Variants in BARD1 observed in about 807,000 individuals in gnomAD.
The protein encoded by BARD1 is BRCA1-associated RING domain protein 1.
In BARD1, 73 loss-of-function variants were observed where a neutral mutation model predicts 77.0. The observed-to-expected ratio is 0.95, with a 90% CI of 0.79 to 1.15. BARD1 has a LOEUF of 1.15. Ranked by LOEUF, BARD1 falls within the 50% of genes most tolerant of loss-of-function variation. The probability of loss-of-function intolerance (pLI) is 0.00; values close to 1 mark genes in which losing one functional copy is unlikely to be tolerated. For synonymous variants in BARD1, 384 were observed against 338.0 expected (o/e 1.14, Z -1.49); for missense variants, 993 against 938.8 (o/e 1.06, Z -0.75).
intron 2 of BARD1, among the ~76,000 whole-genome samples, chr2:214,794,242 CTCT>C (rs1337322369): frequency 2.0e-5 from 3 of 152,054 alleles, no homozygotes; most frequent in Non-Finnish European, 4.4e-5. Flanking sequence ...CAGAGTGAGA[CTCT>C]TGTCTTCACA....
chr2:214,802,008 A>T (rs1192550572), intron 1 of BARD1, among the ~76,000 whole-genome samples: 1 of 152,096 alleles, frequency 6.6e-6, no homozygotes, highest in Non-Finnish European at 1.5e-5. Flanking sequence ...ACAGGTGCAC[A>T]CCACCATACC....
chr2:214,782,618 T>G (rs1311565958), intron 3 of BARD1, among the ~76,000 whole-genome samples: 1 of 152,114 alleles, frequency 6.6e-6, no homozygotes, highest in Non-Finnish European at 1.5e-5. Context: ...ATTGTCTCTA[T>G]GTACACAAAG....
chr2:214,796,956 GA>G, intron 2 of BARD1, 104 bp downstream of exon 2: 1 of 936,992 alleles, frequency 1.1e-6, no homozygotes, highest in Admixed American at 1.7e-5. Context: ...TGCAGACTTT[GA>G]AAGTTACACA....
intron 1 of BARD1, among the ~76,000 whole-genome samples, chr2:214,806,415 G>A (rs1348968381): frequency 1.3e-5 from 2 of 152,198 alleles, no homozygotes; most frequent in Non-Finnish European, 2.9e-5. Context: ...ATTCTGAGTT[G>A]CTCCTTGCCG....
intron 3 of BARD1, among the ~76,000 whole-genome samples, chr2:214,786,138 T>TA (rs1266171610): frequency 1.3e-5 from 2 of 152,062 alleles, no homozygotes; most frequent in East Asian, 3.9e-4. Context: ...CTAAGGGATA[T>TA]AACATCTACC....
At position 214,726,046 on chromosome 2, in the gene BARD1, A is replaced by AG. The variant is rs963226510; in HGVS notation, c.*2629_*2630insC. On this transcript the variant is annotated 3_prime_UTR_variant, in exon 11 of 11. Coordinates refer to ENST00000260947, the MANE Select transcript of BARD1 (RefSeq NM_000465.4). ...ATTTACAAGGCAGGTGCAAAAAAAA[A>AG]AAAAGGTGGGGGGACCGATGAAATA... is the stretch of plus-strand genomic sequence containing the variant. 422 of 219,462 alleles carry AG rather than the reference A, an allele frequency of 1.9e-3. 2 individuals carry two copies. Among genetic ancestry groups the AG allele is most frequent in the African/African-American group, 8.6e-3 (386 of 44,720 alleles). 13.6% of individuals were successfully genotyped at this position (219,462 alleles called of 1,614,324 possible).
intron 3 of BARD1, among the ~76,000 whole-genome samples, chr2:214,791,004 A>G (rs2106131317): frequency 1.3e-5 from 2 of 152,308 alleles, no homozygotes; most frequent in South Asian, 4.1e-4. Flanking sequence ...CTGTCTTTAA[A>G]TAAGAAGAGT....
In BARD1 at chr2:214,767,581, G is replaced by A. The variant is rs1379944646; in HGVS notation, c.1469C>T (p.Thr490Ile). 1 of 1,614,040 alleles carries A rather than the reference G, an allele frequency of 6.2e-7. No homozygotes were observed. Residue 490 changes from threonine to isoleucine, a missense_variant, in exon 6 of 11, where the codon ACC (threonine) becomes ATC (isoleucine). Physicochemically the swap from Thr to Ile is moderately conservative, Grantham distance 89 (BLOSUM62 -1). Coordinates refer to ENST00000260947, the MANE Select transcript of BARD1 (RefSeq NM_000465.4). ...LLQHKALVNT[T>I]GYQNDSPLHD... ...AAGTGGTGAGTCATTTTGATACCCG[G>A]TGGTGTTCACCAATGCCTTATGCTG...
At chr2:214,741,679 T>A (rs1398619107) in intron 9 of BARD1, among the ~76,000 whole-genome samples, 2 of 152,114 alleles carry the variant, frequency 1.3e-5, no homozygotes, top group African/African-American at 4.8e-5. Flanking sequence ...TAGCTCCTAT[T>A]TCTGTAAAAT....
At chr2:214,770,451 C>A (rs1227280046) in intron 4 of BARD1, among the ~76,000 whole-genome samples, 1 of 152,140 alleles carries the variant, frequency 6.6e-6, no homozygotes. Context: ...GTAAGAAATA[C>A]AATAACTTTA....
In BARD1 at chr2:214,726,597, C is replaced by T. The variant is rs530280605; in HGVS notation, c.*2079G>A. Reference sequence around the variant, plus strand: ...TCATGTTGAGCCTCATTCAACAGCACAGAATAAGCCAATTTTATACAAGAC... The same window carrying T: ...TCATGTTGAGCCTCATTCAACAGCATAGAATAAGCCAATTTTATACAAGAC... On this transcript the variant is annotated 3_prime_UTR_variant, in exon 11 of 11. Coordinates refer to ENST00000260947, the MANE Select transcript of BARD1 (RefSeq NM_000465.4). 4.4e-6 allele frequency: 1 copy of T among 229,458 alleles called. No individual in the cohort carries two copies. The highest frequency in any genetic ancestry group is 1.8e-4 in the South Asian group (1 of 5,498). 14.2% of individuals were successfully genotyped at this position (229,458 alleles called of 1,614,324 possible). A position where few individuals can be genotyped will look rare whatever the true frequency, so the allele number is the denominator to read the frequency against.
chr2:214,800,671 T>C lies in BARD1; in HGVS notation c.159-3554A>G, dbSNP rs76022741. Among the ~76,000 whole-genome samples the C allele has an allele frequency of 6.3e-3, 963 of 152,252 alleles. 10 individuals are homozygous for C. Among genetic ancestry groups the C allele is most frequent in the African/African-American group, 0.022 (922 of 41,530 alleles). The stretch of plus-strand genomic sequence containing the variant: ...TTTGTCCTTCAGCAACACTAGATAC[T>C]TGCAAAAATGAAACTTTCAAACATC... On this transcript the variant is annotated intron_variant, in intron 1 of 10. Transcript: ENST00000260947.
intron 4 of BARD1, among the ~76,000 whole-genome samples, chr2:214,770,374 A>G (rs1694424563): frequency 6.6e-6 from 1 of 152,178 alleles, no homozygotes. Flanking sequence ...CTGGAGAGCT[A>G]TGCAACAATG....
At chr2:214,778,271 ATATT>A (rs1694824698) in intron 4 of BARD1, among the ~76,000 whole-genome samples, 1 of 149,802 alleles carries the variant, frequency 6.7e-6, no homozygotes, top group African/African-American at 2.5e-5. Flanking sequence ...TTTTAAGGAT[ATATT>A]TATTAAAATA....
intron 8 of BARD1, 156 bp downstream of exon 8, chr2:214,745,566 T>C (rs1693063255): frequency 1.1e-6 from 1 of 870,834 alleles, no homozygotes. Context: ...ATAAGTAGTT[T>C]ATTACTGAAA....
intron 1 of BARD1, among the ~76,000 whole-genome samples, chr2:214,799,252 G>T (rs1441098950): frequency 4.6e-5 from 7 of 152,134 alleles, no homozygotes; most frequent in Admixed American, 4.6e-4. Flanking sequence ...GGTGAGCCGA[G>T]ATTACACCCC....
chr2:214,728,835 T>A lies in BARD1; in HGVS notation c.2175A>T (p.Arg725Ser), dbSNP rs747466434. The change falls in exon 11 of 11, where the codon AGA becomes AGT. Residue 725 changes from arginine to serine, a missense_variant. By Grantham distance (110) the Arg-to-Ser change is moderately radical. Coordinates refer to ENST00000260947, the MANE Select transcript of BARD1 (RefSeq NM_000465.4). Reference sequence around the variant, plus strand: ...TGCAGAAGCGCTGATCAGAATCGGGTCTCGCATGGTATGCGACTGTATTGA... The same window carrying A: ...TGCAGAAGCGCTGATCAGAATCGGGACTCGCATGGTATGCGACTGTATTGA... ...QTINTVAYHA[R>S]PDSDQRFCTQ... 2 of 1,614,202 alleles carry A rather than the reference T, an allele frequency of 1.2e-6. No individual in the cohort carries two copies. Among genetic ancestry groups the A allele is most frequent in the South Asian group, 1.1e-5 (1 of 91,080 alleles).
intron 9 of BARD1, among the ~76,000 whole-genome samples, chr2:214,743,317 C>A (rs1270500482): frequency 6.6e-6 from 1 of 152,160 alleles, no homozygotes; most frequent in Non-Finnish European, 1.5e-5. Context: ...TACCATAAAA[C>A]CTTCAAAGCA....
At chr2:214,741,605 G>C (rs1189388384) in intron 9 of BARD1, among the ~76,000 whole-genome samples, 1 of 152,128 alleles carries the variant, frequency 6.6e-6, no homozygotes, top group Non-Finnish European at 1.5e-5. Flanking sequence ...TTAGCACCCA[G>C]ACTAGGACTA....
Sources: gnomAD v4.1 joint callset for allele counts (sites outside exome capture counted in the v4.1 genomes callset) on GRCh38, gnomAD v4.1.1 for gene constraint, MANE v1.5 for transcripts, NCBI Gene and HGNC (gene_info 2026-07-23, HGNC 2026-07-21) for gene names.